Variants in LPIN1 observed in about 807,000 individuals in gnomAD.
LPIN1 encodes the protein phosphatidate phosphatase LPIN1.
A neutral mutation model predicts 107.5 loss-of-function variants in LPIN1; 71 were observed. The observed-to-expected ratio is 0.66, with a 90% confidence interval of 0.55 to 0.80. LPIN1 has a LOEUF of 0.80. LPIN1 is among the 30% of genes least tolerant of loss of function. LPIN1 has a pLI of 0.00. For synonymous variants in LPIN1, 445 were observed against 452.6 expected, an observed-to-expected ratio of 0.98 and a Z score of 0.21; for missense variants, 1,043 against 1,160.6, an observed-to-expected ratio of 0.90 and a Z score of 1.47.
intron 1 of LPIN1, among the ~76,000 whole-genome samples, chr2:11,703,907 A>G (rs1328958952): frequency 5.3e-5 from 8 of 152,164 alleles, no homozygotes; most frequent in Non-Finnish European, 1.0e-4. Context: ...CATGGCATTG[A>G]CTGAGATGAC....
chr2:11,699,028 G>A (rs983162996), intron 1 of LPIN1, among the ~76,000 whole-genome samples: 4 of 152,106 alleles, frequency 2.6e-5, no homozygotes, highest in Admixed American at 6.5e-5. Flanking sequence ...CTTTGTAAAC[G>A]TTCTTAAAAT....
chr2:11,729,729 C>A (rs1665005103), intron 1 of LPIN1, among the ~76,000 whole-genome samples: 1 of 152,180 alleles, frequency 6.6e-6, no homozygotes, highest in Non-Finnish European at 1.5e-5. Context: ...GTAATTCTAA[C>A]CTTGTTCCTC....
chr2:11,745,566 T>C (rs62113305), upstream of LPIN1, among the ~76,000 whole-genome samples: 33,075 of 151,984 alleles, frequency 0.22, 6,005 homozygotes, highest in African/African-American at 0.49. Context: ...AAAAATTAGC[T>C]GGGCGTGGTG....
At chr2:11,715,279 C>T (rs1474416698) in intron 2 of LPIN1, among the ~76,000 whole-genome samples, 5 of 152,172 alleles carry the variant, frequency 3.3e-5, no homozygotes, top group Non-Finnish European at 7.3e-5. Flanking sequence ...TCTGGCCCCA[C>T]GTGCAGGACA....
At chr2:11,713,877 C>A in intron 2 of LPIN1, 1 of 1,147,434 alleles carries the variant, frequency 8.7e-7, no homozygotes, top group Non-Finnish European at 1.3e-6. Flanking sequence ...AGAAAATACT[C>A]CATGTCCAGC....
chr2:11,784,048 T>C (rs966408960), intron 9 of LPIN1, 126 bp downstream of exon 9: 2 of 1,515,326 alleles, frequency 1.3e-6, no homozygotes, highest in Non-Finnish European at 1.8e-6. Context: ...CTCACGCCTG[T>C]AATCCCAGCA....
chr2:11,749,640 G>A (rs1413427970), intron 1 of LPIN1, among the ~76,000 whole-genome samples: 1 of 152,192 alleles, frequency 6.6e-6, no homozygotes, highest in Non-Finnish European at 1.5e-5. Context: ...AATGAGGTAT[G>A]TGGCCCAGGA....
rs74927366 is a variant in LPIN1, at chr2:11,735,293, A to G, written c.-71-6056A>G. Among the ~76,000 whole-genome samples, 4 of 143,898 alleles carry G rather than the reference A, an allele frequency of 2.8e-5. No individual in the cohort carries two copies. In the East Asian group the frequency reaches 7.9e-4, roughly 28 times the overall value. 94.4% of individuals were successfully genotyped at this position (143,898 alleles called of 152,430 possible). On this transcript the variant is annotated intron_variant, in intron 1 of 21. Transcript: ENST00000396097. ...GCTGACAGAGTAAGACTCTGTCTCA[A>G]AAAAAAAAAAAAAGAAAGTGTTCCC...
chr2:11,720,940 G>A (rs191059080), upstream of LPIN1, among the ~76,000 whole-genome samples: 192 of 152,024 alleles, frequency 1.3e-3, no homozygotes, highest in East Asian at 4.3e-3. Context: ...AGGACAGGGC[G>A]AGTCCTTGTC....
chr2:11,785,920 G>T (rs1328727491), intron 10 of LPIN1, among the ~76,000 whole-genome samples: 1 of 152,152 alleles, frequency 6.6e-6, no homozygotes, highest in Admixed American at 6.5e-5. Flanking sequence ...GCTGGGTCCC[G>T]CCGGCTCCAT....
intron 1 of LPIN1, among the ~76,000 whole-genome samples, chr2:11,763,987 GTATATATA>G (rs1162699730): frequency 3.8e-5 from 5 of 132,948 alleles, no homozygotes; most frequent in African/African-American, 9.2e-5. Flanking sequence ...GTGTGTGTGT[GTATATATA>G]TATATATATA....
intron 1 of LPIN1, among the ~76,000 whole-genome samples, chr2:11,727,568 TG>T (rs1268912492): frequency 1.3e-5 from 2 of 152,160 alleles, no homozygotes; most frequent in African/African-American, 4.8e-5. Context: ...TCCCTCTCAG[TG>T]GAAAAGAGAA....
intron 17 of LPIN1, among the ~76,000 whole-genome samples, chr2:11,814,053 G>A (rs1312905965): frequency 6.6e-6 from 1 of 152,194 alleles, no homozygotes; most frequent in African/African-American, 2.4e-5. Flanking sequence ...CCTCTAGGGA[G>A]TGTGGGGGGT....
intron 17 of LPIN1, 182 bp downstream of exon 17, chr2:11,805,338 A>C (rs1423607153): frequency 1.5e-6 from 1 of 662,956 alleles, no homozygotes. Context: ...AATCCCAGCA[A>C]CTCCAAATTT....
At chr2:11,797,070 C>T (rs1174081640) in intron 14 of LPIN1, among the ~76,000 whole-genome samples, 1 of 152,222 alleles carries the variant, frequency 6.6e-6, no homozygotes, top group Non-Finnish European at 1.5e-5. Context: ...AGATGCGAAA[C>T]TGCGTGCTCT....
chr2:11,740,741 A>T (rs996292057), intron 1 of LPIN1, among the ~76,000 whole-genome samples: 22 of 151,970 alleles, frequency 1.4e-4, no homozygotes, highest in African/African-American at 5.1e-4. Context: ...AAAGAAAGAA[A>T]GAAAGAAAAG....
At chr2:11,757,236 C>T (rs1668821124) in intron 1 of LPIN1, among the ~76,000 whole-genome samples, 1 of 152,236 alleles carries the variant, frequency 6.6e-6, no homozygotes, top group South Asian at 2.1e-4. Context: ...ATTTGGTCCT[C>T]TGCAGGTTTT....
chr2:11,824,561 A>C (rs1682106589), intron 20 of LPIN1, 71 bp from the exon 21 acceptor site: 2 of 1,528,992 alleles, frequency 1.3e-6, no homozygotes, highest in South Asian at 2.2e-5. Flanking sequence ...ATCTCTCTTG[A>C]CTTCTACGTG....
intron 1 of LPIN1, among the ~76,000 whole-genome samples, chr2:11,690,729 G>T (rs1181208695): frequency 6.6e-6 from 1 of 151,836 alleles, no homozygotes; most frequent in Admixed American, 6.6e-5. Flanking sequence ...TTCCTGTTAG[G>T]TTTTATCTAC....
Sources: gnomAD v4.1 joint callset for allele counts (sites outside exome capture counted in the v4.1 genomes callset) on GRCh38, gnomAD v4.1.1 for gene constraint, MANE v1.5 for transcripts, NCBI Gene and HGNC (gene_info 2026-07-23, HGNC 2026-07-21) for gene names.